The following SREK1 variants were observed in gnomAD, a reference collection of about 807,000 sequenced individuals.
SREK1 encodes the protein splicing regulatory glutamine/lysine-rich protein 1.
In SREK1, 13 loss-of-function variants were observed where a neutral mutation model predicts 66.5. The observed-to-expected ratio is 0.20, with a 90% CI of 0.13 to 0.31. SREK1 has a LOEUF of 0.31. Ranked by LOEUF, SREK1 falls within the 10% of genes least tolerant of loss-of-function variation. The probability of loss-of-function intolerance (pLI) is 1.00; values close to 1 mark genes in which losing one functional copy is unlikely to be tolerated. For missense variants in SREK1, 607 were observed against 769.6 expected (o/e 0.79, Z 2.50); for synonymous variants, 265 against 263.5 (o/e 1.01, Z -0.05).
In SREK1 at chr5:66,178,766, A is replaced by G; in HGVS notation, c.1773A>G (p.Val591=). 1 of 1,612,692 alleles carries G rather than the reference A, an allele frequency of 6.2e-7. No individual in the cohort carries two copies. The highest frequency in any genetic ancestry group is 8.5e-7 in the Non-Finnish European group (1 of 1,179,020). Residue 591 remains valine, a synonymous_variant, in exon 12 of 12, where the codon GTA becomes GTG. Transcript: ENST00000334121. ...CAGATTCAAGTGTGAGCAAAGAAGT[A>G]GATGACAAGGATGCACCAAGGACTG... The part of the protein sequence containing the change: ...KEPDSSVSKE[V]DDKDAPRTEE...
chr5:66,177,525 A>G lies in SREK1; in HGVS notation c.1592A>G (p.Lys531Arg), dbSNP rs1388057758. 2 of 1,588,376 alleles carry G rather than the reference A, an allele frequency of 1.3e-6. No homozygotes were observed. ...RSPSPRSRNKKDKKREKERDH... is the reference protein window; with the variant it reads ...RSPSPRSRNKRDKKREKERDH... ...CAATATTCTTATAGCAGAAATAAGA[A>G]GGATAAAAAGAGAGAAAAAGAAAGG... Residue 531 changes from lysine (K) to arginine (R), a missense_variant, in exon 11 of 12, where the codon AAG becomes AGG. Coordinates refer to ENST00000334121, the MANE Select transcript of SREK1 (RefSeq NM_001077199.3).
At position 66,169,836 on chromosome 5, in the gene SREK1, C is replaced by T. The variant is rs1046676124; in HGVS notation, c.1002-215C>T. 4.0e-5 allele frequency: 13 copies of T among 322,516 alleles called. No individual in the cohort carries two copies. The Admixed American group carries it at 4.7e-4, about 12-fold the overall frequency. The allele number at this position is 322,516 out of a possible 1,614,324, so 20.0% of individuals were successfully genotyped here. A position where few individuals can be genotyped will look rare whatever the true frequency, so the allele number is the denominator to read the frequency against. On this transcript the variant is annotated intron_variant, in intron 7 of 11. Transcript: ENST00000334121. ...AGCAAAAGCCACATCTGAAAATATA[C>T]GAAATAACTGTTAAATTCTTTGTTT...
At chr5:66,172,853 C>CA (rs1745756833) in intron 9 of SREK1, among the ~76,000 whole-genome samples, 1 of 106,292 alleles carries the variant, frequency 9.4e-6, no homozygotes, top group African/African-American at 4.2e-5. Flanking sequence ...TTTTTTTAGA[C>CA]AGAGTGTCAC....
Position 66,173,576 on chromosome 5 carries a change from A to C in SREK1, c.1485-1370A>C, listed in dbSNP as rs116201215. On this transcript the variant is annotated intron_variant, in intron 9 of 11. Coordinates refer to ENST00000334121, the MANE Select transcript of SREK1 (RefSeq NM_001077199.3). ...TCTCACCAACTTTAGTTGTTAATAC[A>C]ATTTCTTTCTCAAGTAATTGTCTAG... Among the ~76,000 whole-genome samples the C allele has an allele frequency of 4.3e-3, 651 of 152,288 alleles. 4 individuals carry two copies. Among genetic ancestry groups the C allele is most frequent in the African/African-American group, 0.014 (599 of 41,550 alleles).
intron 9 of SREK1, among the ~76,000 whole-genome samples, chr5:66,171,617 A>T (rs969839163): frequency 2.0e-5 from 3 of 152,198 alleles, no homozygotes; most frequent in Non-Finnish European, 4.4e-5. Context: ...CCTAACTTAT[A>T]CTACACTATC....
rs985267803 is a variant in SREK1 at position 66,179,171 on chromosome 5, C to T, written c.*303C>T. The T allele has an allele frequency of 2.1e-4, 40 of 195,008 alleles. 1 individual carries two copies. The Admixed American group carries it at 2.3e-3, about 11-fold the overall frequency. 12.1% of individuals were successfully genotyped at this position (195,008 alleles called of 1,614,324 possible). A position where few individuals can be genotyped will look rare whatever the true frequency, so the allele number is the denominator to read the frequency against. ...CAAGAACCATTGCAAATAAATTGAA[C>T]ATCAAAGATCCAAGTTTGTACTATC... On this transcript the variant is annotated 3_prime_UTR_variant, in exon 12 of 12. Transcript: ENST00000334121.
chr5:66,148,914 G>C (rs1048128511), intron 1 of SREK1, among the ~76,000 whole-genome samples: 1 of 152,148 alleles, frequency 6.6e-6, no homozygotes, highest in Admixed American at 6.5e-5. Flanking sequence ...TGAGCTATCT[G>C]TTTGTTGGCT....
chr5:66,158,548 CGTTGAA>C (rs1247050774), intron 2 of SREK1: 4 of 188,674 alleles, frequency 2.1e-5, no homozygotes, highest in Non-Finnish European at 4.5e-5. Context: ...CTTCCTTTTA[CGTTGAA>C]GTTGATTACA....
intron 2 of SREK1, among the ~76,000 whole-genome samples, chr5:66,155,480 T>C (rs1019559650): frequency 1.3e-5 from 2 of 152,152 alleles, no homozygotes; most frequent in African/African-American, 4.8e-5. Context: ...AGCAAAGAAA[T>C]AGTGCATTAT....
chr5:66,163,777 A>G lies in SREK1; in HGVS notation c.756-15A>G, dbSNP rs1235534366. On this transcript the variant is annotated splice_polypyrimidine_tract_variant and intron_variant, in intron 5 of 11. Coordinates refer to ENST00000334121, the MANE Select transcript of SREK1 (RefSeq NM_001077199.3). Reference sequence around the variant, plus strand: ...TGTGGTGTGTATTTGTGATATGCTAATATTTTTAATTTAGAATAAATCACT... The same window carrying G: ...TGTGGTGTGTATTTGTGATATGCTAGTATTTTTAATTTAGAATAAATCACT... The G allele has an allele frequency of 1.2e-6, 2 of 1,605,478 alleles. No individual in the cohort carries two copies. Among genetic ancestry groups the G allele is most frequent in the Non-Finnish European group, 1.7e-6 (2 of 1,175,980 alleles).
chr5:66,145,869 C>T (rs1285779534), intron 1 of SREK1, among the ~76,000 whole-genome samples: 1 of 150,042 alleles, frequency 6.7e-6, no homozygotes, highest in Non-Finnish European at 1.5e-5. Flanking sequence ...CAGTCCCGTC[C>T]CCTTTTAAAG....
At position 66,178,876 on chromosome 5, in the gene SREK1, A is replaced by G. The variant is rs750876016; in HGVS notation, c.*8A>G. 5 of 1,605,228 alleles carry G rather than the reference A, an allele frequency of 3.1e-6. No homozygotes were observed. The highest frequency in any genetic ancestry group is 1.3e-5 in the African/African-American group (1 of 74,566). ...AAAACAGAAGCAGTATAGGACCGACAAGTGTACCTCTGCACTCAATGCTGG... is the reference window on the plus strand; with the variant it reads ...AAAACAGAAGCAGTATAGGACCGACGAGTGTACCTCTGCACTCAATGCTGG... On this transcript the variant is annotated 3_prime_UTR_variant, in exon 12 of 12. Coordinates refer to ENST00000334121, the MANE Select transcript of SREK1 (RefSeq NM_001077199.3).
chr5:66,151,638 G>A (rs769731359), intron 1 of SREK1, among the ~76,000 whole-genome samples: 3 of 152,062 alleles, frequency 2.0e-5, no homozygotes, highest in South Asian at 2.1e-4. Flanking sequence ...CTCACAAGAG[G>A]CCTGAATTGG....
At chr5:66,158,852 C>T (rs1420678328) in intron 2 of SREK1, 3 of 1,291,242 alleles carry the variant, frequency 2.3e-6, no homozygotes, top group Non-Finnish European at 3.0e-6. Flanking sequence ...ACACAACTTT[C>T]GATCACCGCG....
chr5:66,160,722 TC>T (rs1744684931), intron 3 of SREK1, among the ~76,000 whole-genome samples: 1 of 152,206 alleles, frequency 6.6e-6, no homozygotes, highest in Non-Finnish European at 1.5e-5. Context: ...TTCATAAACT[TC>T]CGTTTTCACC....
intron 10 of SREK1, among the ~76,000 whole-genome samples, chr5:66,176,872 G>T (rs890085711): frequency 6.6e-6 from 1 of 151,752 alleles, no homozygotes; most frequent in Non-Finnish European, 1.5e-5. Flanking sequence ...GGTTTTTTAG[G>T]TGATTTTCTG....
rs751724757 is a variant in SREK1 at position 66,170,755 on chromosome 5, A to G, written c.1292A>G (p.Lys431Arg). 9.4e-6 allele frequency: 15 copies of G among 1,600,174 alleles called. No individual in the cohort carries two copies. The highest frequency in any genetic ancestry group is 1.3e-5 in the Non-Finnish European group (15 of 1,172,830). ...REKDREKDKEKDREREREKEH... is the reference protein window; with the variant it reads ...REKDREKDKERDREREREKEH... ...AAGGACCGGGAAAAAGACAAGGAAAAGGACAGAGAGAGAGAACGGGAAAAA... is the reference window on the plus strand; with the variant it reads ...AAGGACCGGGAAAAAGACAAGGAAAGGGACAGAGAGAGAGAACGGGAAAAA... The change falls in exon 9 of 12, where the codon AAG becomes AGG. Residue 431 changes from lysine (K) to arginine (R), a missense_variant. Transcript: ENST00000334121.
chr5:66,163,819 A>G lies in SREK1; in HGVS notation c.783A>G (p.Val261=). 1 of 1,613,528 alleles carries G rather than the reference A, an allele frequency of 6.2e-7. No individual in the cohort carries two copies. The highest frequency in any genetic ancestry group is 2.2e-5 in the East Asian group (1 of 44,844). Residue 261 remains valine (V), a synonymous_variant, in exon 6 of 12, where the codon GTA becomes GTG. Transcript: ENST00000334121. ...TAAATCACTCCAACAATGCAATAGT[A>G]AAACCCCCTGAGATGACACCTCAGG... The part of the protein sequence containing the change: ...LKINHSNNAI[V]KPPEMTPQAA...
intron 5 of SREK1, 60 bp downstream of exon 5, chr5:66,162,652 G>T: frequency 6.7e-7 from 1 of 1,482,986 alleles, no homozygotes. Context: ...TATTTTTGAT[G>T]TAATGAAGGC....
Sources: gnomAD v4.1 joint callset for allele counts (sites outside exome capture counted in the v4.1 genomes callset) on GRCh38, gnomAD v4.1.1 for gene constraint, MANE v1.5 for transcripts, NCBI Gene and HGNC (gene_info 2026-07-23, HGNC 2026-07-21) for gene names.